Variants in WDR72 observed in about 807,000 individuals in gnomAD.
WDR72 encodes WD repeat-containing protein 72.
WDR72 carries 120 observed loss-of-function variants against 124.2 expected under a neutral mutation model. That is an observed-to-expected ratio of 0.97 (90% CI 0.83 to 1.12). The LOEUF is 1.12. Among genes scored for constraint, WDR72 ranks in the 50% most tolerant of loss-of-function variants. The probability of loss-of-function intolerance (pLI) is 0.00; values close to 1 mark genes in which losing one functional copy is unlikely to be tolerated. For synonymous variants in WDR72, 452 were observed against 441.7 expected, an observed-to-expected ratio of 1.02 and a Z score of -0.29; for missense variants, 1,387 against 1,278.8, an observed-to-expected ratio of 1.08 and a Z score of -1.29.
chr15:53,712,672 G>A (rs749221481), intron 7 of WDR72, 100 bp downstream of exon 7: 182 of 1,193,388 alleles, frequency 1.5e-4, no homozygotes, highest in Non-Finnish European at 2.1e-4. Context: ...TACTATTACA[G>A]AGAATTTGTA....
intron 14 of WDR72, among the ~76,000 whole-genome samples, chr15:53,631,180 T>G (rs1344785045): frequency 6.6e-6 from 1 of 152,156 alleles, no homozygotes; most frequent in African/African-American, 2.4e-5. Flanking sequence ...CTCTCCTTGG[T>G]ACTACATAGT....
chr15:53,588,482 G>T (rs1329653185), intron 18 of WDR72, among the ~76,000 whole-genome samples: 7 of 151,942 alleles, frequency 4.6e-5, no homozygotes, highest in Non-Finnish European at 8.8e-5. Context: ...GAAATGTTTC[G>T]AGTTATTCAA....
At chr15:53,727,040 G>A (rs1162058219) in intron 2 of WDR72, among the ~76,000 whole-genome samples, 1 of 151,934 alleles carries the variant, frequency 6.6e-6, no homozygotes, top group Non-Finnish European at 1.5e-5. Context: ...CGGCACGGTC[G>A]GTGGCTCATG....
At chr15:53,665,327 A>G (rs2015739730) in intron 14 of WDR72, among the ~76,000 whole-genome samples, 1 of 152,174 alleles carries the variant, frequency 6.6e-6, no homozygotes, top group Non-Finnish European at 1.5e-5. Flanking sequence ...CTAGGATTCA[A>G]GGGTTAATAT....
At chr15:53,709,195 C>T (rs903413664) in intron 9 of WDR72, among the ~76,000 whole-genome samples, 6 of 152,194 alleles carry the variant, frequency 3.9e-5, no homozygotes, top group African/African-American at 1.4e-4. Context: ...TTAGTGAACA[C>T]TAGTGATGTT....
chr15:53,568,557 G>GT (rs931906939), intron 18 of WDR72, among the ~76,000 whole-genome samples: 5 of 152,000 alleles, frequency 3.3e-5, no homozygotes, highest in Admixed American at 3.3e-4. Flanking sequence ...TCTGGCTTCT[G>GT]TAACGATCCC....
intron 1 of WDR72, among the ~76,000 whole-genome samples, chr15:53,745,350 G>A (rs1371176647): frequency 6.6e-6 from 1 of 152,128 alleles, no homozygotes; most frequent in Non-Finnish European, 1.5e-5. Context: ...CTTTGAGAGT[G>A]TGAGATTTCC....
chr15:53,630,612 T>G (rs570681214), intron 14 of WDR72, among the ~76,000 whole-genome samples: 1 of 152,060 alleles, frequency 6.6e-6, no homozygotes. Flanking sequence ...ACAAAACACA[T>G]GATTATCCTA....
At chr15:53,673,753 G>C (rs690246) in intron 13 of WDR72, among the ~76,000 whole-genome samples, 14,517 of 152,174 alleles carry the variant, frequency 0.095, 1,852 homozygotes, top group African/African-American at 0.29. Context: ...ACTTTGGGAG[G>C]CCGAGGTGGG....
chr15:53,743,040 G>A (rs1264598549), intron 1 of WDR72, among the ~76,000 whole-genome samples: 1 of 152,118 alleles, frequency 6.6e-6, no homozygotes, highest in African/African-American at 2.4e-5. Context: ...TTCTCAGGAT[G>A]AAAGGATGAA....
intron 9 of WDR72, among the ~76,000 whole-genome samples, chr15:53,708,128 G>A (rs2017435889): frequency 6.6e-6 from 1 of 152,072 alleles, no homozygotes; most frequent in Non-Finnish European, 1.5e-5. Context: ...CTATTCACCT[G>A]AAAACTTCTT....
chr15:53,734,035 A>C (rs370987272), intron 1 of WDR72, among the ~76,000 whole-genome samples: 2 of 152,236 alleles, frequency 1.3e-5, no homozygotes, highest in Non-Finnish European at 2.9e-5. Context: ...AAAGTCAAGA[A>C]AATGAAAACC....
chr15:53,746,275 T>C (rs1044483533), intron 1 of WDR72, among the ~76,000 whole-genome samples: 91 of 152,304 alleles, frequency 6.0e-4, no homozygotes, highest in African/African-American at 2.1e-3. Context: ...TGTGGTTTTG[T>C]GGGTGGTGTC....
intron 17 of WDR72, 105 bp downstream of exon 17, chr15:53,609,408 G>A: frequency 2.0e-6 from 2 of 983,822 alleles, no homozygotes; most frequent in South Asian, 1.3e-5. Flanking sequence ...GCCATTTTAT[G>A]AGGACAAGAG....
At chr15:53,610,123 C>T (rs2013476830) in intron 16 of WDR72, among the ~76,000 whole-genome samples, 1 of 152,028 alleles carries the variant, frequency 6.6e-6, no homozygotes, top group African/African-American at 2.4e-5. Context: ...TAGAGCACTA[C>T]TGTTTTAATT....
chr15:53,519,009 A>G (rs533127764), intron 19 of WDR72, among the ~76,000 whole-genome samples: 25 of 152,192 alleles, frequency 1.6e-4, no homozygotes, highest in African/African-American at 5.3e-4. Flanking sequence ...ATTTTGTTGG[A>G]CTTCTAATTC....
chr15:53,740,130 T>G (rs965319110), intron 1 of WDR72, among the ~76,000 whole-genome samples: 2 of 152,180 alleles, frequency 1.3e-5, no homozygotes, highest in Non-Finnish European at 2.9e-5. Flanking sequence ...ACCCAGTAAC[T>G]AGTCACCTGT....
At chr15:53,633,778 G>T (rs892553530) in intron 14 of WDR72, among the ~76,000 whole-genome samples, 24 of 152,164 alleles carry the variant, frequency 1.6e-4, no homozygotes, top group African/African-American at 5.8e-4. Flanking sequence ...GGTAAAGCAT[G>T]TATGTGTAAA....
chr15:53,715,143 G>GA, intron 5 of WDR72, 50 bp downstream of exon 5: 1 of 1,586,634 alleles, frequency 6.3e-7, no homozygotes, highest in African/African-American at 1.4e-5. Flanking sequence ...TTCAAAAGTA[G>GA]ATATTTTTAT....
Sources: gnomAD v4.1 joint callset for allele counts (sites outside exome capture counted in the v4.1 genomes callset) on GRCh38, gnomAD v4.1.1 for gene constraint, MANE v1.5 for transcripts, NCBI Gene and HGNC (gene_info 2026-07-23, HGNC 2026-07-21) for gene names.